CDIN1: variants seen among roughly 807,000 people sequenced by gnomAD.
CDIN1 encodes the protein CDAN1 interacting nuclease 1.
A neutral mutation model predicts 45.3 loss-of-function variants in CDIN1; 33 were observed. The ratio of observed to expected loss-of-function variants is 0.73; its 90% CI spans 0.55 to 0.97. CDIN1 has a LOEUF of 0.97. CDIN1 is among the 50% of genes least tolerant of loss of function. The probability of loss-of-function intolerance (pLI) is 0.00; values close to 1 mark genes in which losing one functional copy is unlikely to be tolerated. For missense variants in CDIN1, 303 were observed against 339.4 expected (o/e 0.89, Z 0.84); for synonymous variants, 118 against 124.4 (o/e 0.95, Z 0.34).
intron 5 of CDIN1, among the ~76,000 whole-genome samples, chr15:36,670,831 A>G (rs1294281239): frequency 2.0e-5 from 3 of 152,116 alleles, no homozygotes; most frequent in Non-Finnish European, 4.4e-5. Context: ...CTTCTTTAGG[A>G]ATATTCCTTT....
At chr15:36,610,198 C>T (rs1288608880) in intron 1 of CDIN1, among the ~76,000 whole-genome samples, 1 of 152,168 alleles carries the variant, frequency 6.6e-6, no homozygotes, top group Non-Finnish European at 1.5e-5. Flanking sequence ...ACAGCTGCAT[C>T]AAAGCACAGG....
At chr15:36,692,025 G>T in intron 6 of CDIN1, 101 bp from the exon 7 acceptor site, 2 of 1,152,226 alleles carry the variant, frequency 1.7e-6, no homozygotes, top group East Asian at 5.2e-5. Context: ...TTGGGGGGCG[G>T]GGGTGGGGGA....
chr15:36,605,154 T>A (rs1016245408), intron 1 of CDIN1, among the ~76,000 whole-genome samples: 5 of 152,308 alleles, frequency 3.3e-5, no homozygotes, highest in African/African-American at 7.2e-5. Flanking sequence ...ATCTATATTA[T>A]TATTTTGTAC....
At chr15:36,779,969 C>T (rs1425424885) in intron 10 of CDIN1, among the ~76,000 whole-genome samples, 3 of 152,066 alleles carry the variant, frequency 2.0e-5, no homozygotes, top group African/African-American at 7.2e-5. Context: ...AGTGGCATTT[C>T]CCTCCCTCCC....
intron 1 of CDIN1, among the ~76,000 whole-genome samples, chr15:36,596,809 A>C (rs1052516469): frequency 6.6e-6 from 1 of 151,900 alleles, no homozygotes; most frequent in Middle Eastern, 3.2e-3. Context: ...CAACAACAAC[A>C]AAAAAAACCC....
chr15:36,722,433 T>C (rs1448488840), intron 10 of CDIN1, among the ~76,000 whole-genome samples: 1 of 152,020 alleles, frequency 6.6e-6, no homozygotes, highest in Non-Finnish European at 1.5e-5. Context: ...AAAAGGGCAG[T>C]CTTTAATATG....
intron 10 of CDIN1, among the ~76,000 whole-genome samples, chr15:36,754,796 T>C (rs2053566977): frequency 6.6e-6 from 1 of 152,148 alleles, no homozygotes; most frequent in Admixed American, 6.6e-5. Flanking sequence ...ACAATTATAG[T>C]ACCTGAAGTC....
At chr15:36,580,694 C>T (rs1191392158) in intron 1 of CDIN1, among the ~76,000 whole-genome samples, 1 of 152,100 alleles carries the variant, frequency 6.6e-6, no homozygotes, top group African/African-American at 2.4e-5. Flanking sequence ...AAACTGAGAC[C>T]CCAACATTAC....
chr15:36,667,573 G>T (rs1281930749), intron 5 of CDIN1, among the ~76,000 whole-genome samples: 2 of 152,040 alleles, frequency 1.3e-5, no homozygotes, highest in Non-Finnish European at 2.9e-5. Flanking sequence ...TGATAAAACT[G>T]TCAAAATAAT....
At chr15:36,608,541 G>A (rs1427523239) in intron 1 of CDIN1, among the ~76,000 whole-genome samples, 1 of 152,096 alleles carries the variant, frequency 6.6e-6, no homozygotes, top group Non-Finnish European at 1.5e-5. Flanking sequence ...TGAGCTGTAA[G>A]AGTTATTTAC....
intron 1 of CDIN1, among the ~76,000 whole-genome samples, chr15:36,587,181 C>T (rs991345778): frequency 6.6e-6 from 1 of 152,084 alleles, no homozygotes; most frequent in African/African-American, 2.4e-5. Flanking sequence ...ATGGTGTTTT[C>T]CACATTTTGA....
intron 10 of CDIN1, chr15:36,747,037 A>G: frequency 2.5e-6 from 1 of 398,288 alleles, no homozygotes; most frequent in Non-Finnish European, 4.4e-6. Flanking sequence ...GAGCGAGGAA[A>G]CATTTTCTAC....
At chr15:36,784,709 A>C (rs753612925) in intron 10 of CDIN1, among the ~76,000 whole-genome samples, 6 of 151,894 alleles carry the variant, frequency 4.0e-5, no homozygotes, top group South Asian at 4.2e-4. Context: ...ATCCAATCTT[A>C]TCTCTTTTTC....
At chr15:36,634,923 T>C (rs113848567) in intron 1 of CDIN1, among the ~76,000 whole-genome samples, 1,677 of 152,334 alleles carry the variant, frequency 0.011, 27 homozygotes, top group African/African-American at 0.038. Flanking sequence ...TTTTAATTTC[T>C]GAAAATTTTT....
intron 7 of CDIN1, among the ~76,000 whole-genome samples, chr15:36,693,136 T>C (rs2042310994): frequency 6.6e-6 from 1 of 152,220 alleles, no homozygotes; most frequent in African/African-American, 2.4e-5. Context: ...TATGTGTTTA[T>C]ATTCCACCTT....
chr15:36,606,762 T>G (rs1173560614), intron 1 of CDIN1, among the ~76,000 whole-genome samples: 3 of 152,218 alleles, frequency 2.0e-5, no homozygotes, highest in Non-Finnish European at 4.4e-5. Flanking sequence ...TTTATAGAAG[T>G]CACTATTCCC....
intron 2 of CDIN1, 123 bp from the exon 3 acceptor site, chr15:36,645,100 A>C: frequency 1.4e-6 from 1 of 724,250 alleles, no homozygotes; most frequent in Non-Finnish European, 2.4e-6. Flanking sequence ...CACAATTCCC[A>C]AGCTGTTATT....
At chr15:36,648,427 A>AT (rs4008147) in intron 3 of CDIN1, among the ~76,000 whole-genome samples, 9,106 of 90,306 alleles carry the variant, frequency 0.1, 1,429 homozygotes, top group South Asian at 0.12. Context: ...CCAATATTCT[A>AT]TTTTTTTTTT....
At chr15:36,712,878 TC>T (rs1331541982) in intron 10 of CDIN1, among the ~76,000 whole-genome samples, 1 of 152,100 alleles carries the variant, frequency 6.6e-6, no homozygotes, top group Non-Finnish European at 1.5e-5. Context: ...AAAGAATGCC[TC>T]TGGGAAGCAT....
Sources: allele counts gnomAD v4.1 joint callset (sites outside exome capture counted in the v4.1 genomes callset), GRCh38; gene constraint gnomAD v4.1.1; transcripts MANE v1.5; gene names NCBI Gene and HGNC (gene_info 2026-07-23, HGNC 2026-07-21).